CACNB4: variants seen among roughly 807,000 people sequenced by gnomAD.
CACNB4 encodes calcium voltage-gated channel auxiliary subunit beta 4.
CACNB4 carries 32 observed loss-of-function variants against 71.2 expected under a neutral mutation model. The ratio of observed to expected loss-of-function variants is 0.45; its 90% confidence interval spans 0.34 to 0.60. The LOEUF is 0.60. Ranked by LOEUF, CACNB4 falls within the 20% of genes least tolerant of loss-of-function variation. CACNB4 has a pLI of 0.01. For missense variants in CACNB4, 464 were observed against 647.9 expected (o/e 0.72, Z 3.08); for synonymous variants, 231 against 236.9 (o/e 0.97, Z 0.23).
At chr2:151,938,263 G>C (rs567469867) in intron 2 of CACNB4, among the ~76,000 whole-genome samples, 1 of 152,318 alleles carries the variant, frequency 6.6e-6, no homozygotes, top group South Asian at 2.1e-4. Flanking sequence ...TGTGCTAATA[G>C]AGCCACCTGG....
chr2:152,084,060 G>A (rs1006431200), intron 2 of CACNB4, among the ~76,000 whole-genome samples: 3 of 152,236 alleles, frequency 2.0e-5, no homozygotes, highest in East Asian at 3.8e-4. Flanking sequence ...AAAAGAGGAC[G>A]AAGAGTTTGT....
At chr2:152,079,958 A>C (rs1029522787) in intron 2 of CACNB4, among the ~76,000 whole-genome samples, 1 of 152,170 alleles carries the variant, frequency 6.6e-6, no homozygotes, top group Admixed American at 6.5e-5. Context: ...TGTACAGCCA[A>C]GGTTGAGAAT....
intron 2 of CACNB4, among the ~76,000 whole-genome samples, chr2:152,091,266 C>CA (rs1015653476): frequency 1.3e-5 from 2 of 152,046 alleles, no homozygotes; most frequent in African/African-American, 4.8e-5. Context: ...ATTCATTGCA[C>CA]AAAAAACTCA....
At chr2:152,011,968 C>T (rs1231775774) in intron 2 of CACNB4, among the ~76,000 whole-genome samples, 1 of 151,996 alleles carries the variant, frequency 6.6e-6, no homozygotes, top group African/African-American at 2.4e-5. Context: ...TGCTGTCAGT[C>T]ATATAAAAGT....
intron 4 of CACNB4, among the ~76,000 whole-genome samples, chr2:151,878,196 C>A (rs2099846936): frequency 6.7e-6 from 1 of 149,620 alleles, no homozygotes; most frequent in African/African-American, 2.4e-5. Flanking sequence ...ATATATATGT[C>A]TGTGTGTGTA....
chr2:152,003,442 T>C (rs1364305786), intron 2 of CACNB4, among the ~76,000 whole-genome samples: 2 of 148,592 alleles, frequency 1.3e-5, no homozygotes, highest in South Asian at 2.1e-4. Context: ...CAAGATTCCA[T>C]CTAAAAAAAA....
chr2:151,920,920 C>G (rs1029478409), intron 2 of CACNB4, among the ~76,000 whole-genome samples: 1 of 151,938 alleles, frequency 6.6e-6, no homozygotes, highest in Non-Finnish European at 1.5e-5. Context: ...GGACGGATCA[C>G]GAGGTCAGGA....
At chr2:151,992,500 A>G (rs181667444) in intron 2 of CACNB4, among the ~76,000 whole-genome samples, 88 of 152,370 alleles carry the variant, frequency 5.8e-4, no homozygotes, top group African/African-American at 2.0e-3. Context: ...GCAAGAAAAG[A>G]AGTATGATAA....
intron 2 of CACNB4, among the ~76,000 whole-genome samples, chr2:151,990,437 A>T (rs956717891): frequency 1.3e-5 from 2 of 152,128 alleles, no homozygotes; most frequent in Non-Finnish European, 2.9e-5. Context: ...GAGATTACAC[A>T]TCCCTGCTGT....
intron 2 of CACNB4, among the ~76,000 whole-genome samples, chr2:151,986,296 C>G (rs1465314001): frequency 6.6e-6 from 1 of 152,150 alleles, no homozygotes; most frequent in Non-Finnish European, 1.5e-5. Context: ...TACCCAACAC[C>G]TGGAGGAAAT....
intron 4 of CACNB4, among the ~76,000 whole-genome samples, chr2:151,879,066 G>T (rs1287121872): frequency 6.6e-6 from 1 of 152,174 alleles, no homozygotes; most frequent in Non-Finnish European, 1.5e-5. Context: ...TTAACAAAGG[G>T]CAAAGGGACC....
chr2:151,939,017 C>T (rs2099863606), intron 2 of CACNB4, among the ~76,000 whole-genome samples: 1 of 152,180 alleles, frequency 6.6e-6, no homozygotes, highest in Admixed American at 6.5e-5. Flanking sequence ...CCTGTGTACT[C>T]CTATGAGAAT....
chr2:152,038,540 C>T (rs1684713978), intron 2 of CACNB4, among the ~76,000 whole-genome samples: 1 of 152,150 alleles, frequency 6.6e-6, no homozygotes, highest in African/African-American at 2.4e-5. Context: ...GATAGGTGTG[C>T]GTGAGCAGCT....
At chr2:152,014,678 C>T (rs1034049107) in intron 2 of CACNB4, among the ~76,000 whole-genome samples, 2 of 151,332 alleles carry the variant, frequency 1.3e-5, no homozygotes, top group Non-Finnish European at 2.9e-5. Context: ...TTGCAGTGAG[C>T]TGAGATTGCA....
intron 2 of CACNB4, among the ~76,000 whole-genome samples, chr2:151,906,008 C>T (rs1252711652): frequency 6.6e-6 from 1 of 152,206 alleles, no homozygotes; most frequent in African/African-American, 2.4e-5. Context: ...GTATAAGCAG[C>T]TACCTCATCC....
intron 2 of CACNB4, among the ~76,000 whole-genome samples, chr2:151,998,345 T>TAAAAAAAAAA (rs1682193485): frequency 7.1e-6 from 1 of 141,086 alleles, no homozygotes; most frequent in African/African-American, 2.9e-5. Flanking sequence ...AAAAAAAAAG[T>TAAAAAAAAAA]TGAAATTAAG....
intron 3 of CACNB4, chr2:151,882,999 T>G: frequency 2.2e-6 from 1 of 462,190 alleles, no homozygotes; most frequent in Non-Finnish European, 4.0e-6. Context: ...AGGTTTGATA[T>G]TGCTAAGTTG....
At chr2:151,954,765 C>G (rs2099867754) in intron 2 of CACNB4, among the ~76,000 whole-genome samples, 1 of 147,084 alleles carries the variant, frequency 6.8e-6, no homozygotes, top group Admixed American at 6.8e-5. Flanking sequence ...CAAATGAGAA[C>G]AAGAAGAAAT....
intron 2 of CACNB4, among the ~76,000 whole-genome samples, chr2:151,897,524 A>G (rs2099852387): frequency 6.6e-6 from 1 of 152,250 alleles, no homozygotes; most frequent in Non-Finnish European, 1.5e-5. Context: ...CCAAACAAAT[A>G]GAAAAAAAAG....
Sources: allele counts gnomAD v4.1 joint callset (sites outside exome capture counted in the v4.1 genomes callset), GRCh38; gene constraint gnomAD v4.1.1; transcripts MANE v1.5; gene names NCBI Gene and HGNC (gene_info 2026-07-23, HGNC 2026-07-21).